CCDC92: variants seen among roughly 807,000 people sequenced by gnomAD.
CCDC92 encodes the protein coiled-coil domain-containing protein 92.
Under a neutral mutation model 24.9 loss-of-function variants are expected in CCDC92, and 12 were observed. The ratio of observed to expected loss-of-function variants is 0.48; its 90% confidence interval spans 0.31 to 0.78. The LOEUF (loss-of-function observed/expected upper bound fraction) is 0.78. Ranked by LOEUF, CCDC92 falls within the 30% of genes least tolerant of loss-of-function variation. The pLI, the probability that CCDC92 is intolerant of heterozygous loss-of-function variation, is 0.05. For synonymous variants in CCDC92, 193 were observed against 196.3 expected (o/e 0.98, Z 0.14); for missense variants, 399 against 439.4 (o/e 0.91, Z 0.82).
intron 1 of CCDC92, among the ~76,000 whole-genome samples, chr12:123,963,223 T>C (rs746186040): frequency 6.6e-5 from 10 of 152,200 alleles, no homozygotes; most frequent in Admixed American, 1.3e-4. Flanking sequence ...GTCAATCTAA[T>C]TTAAGGCAGG....
intron 1 of CCDC92, among the ~76,000 whole-genome samples, chr12:123,970,978 A>T (rs559104458): frequency 1.3e-5 from 2 of 152,142 alleles, no homozygotes; most frequent in South Asian, 4.1e-4. Flanking sequence ...TTTATCCAAC[A>T]TGGCAGATGA....
At chr12:123,965,229 C>T (rs894252109) in intron 1 of CCDC92, among the ~76,000 whole-genome samples, 5 of 152,124 alleles carry the variant, frequency 3.3e-5, no homozygotes, top group Non-Finnish European at 5.9e-5. Context: ...TGTGCTTGTA[C>T]GTGTGCATCG....
At chr12:123,958,593 G>C (rs1025506023) in intron 1 of CCDC92, among the ~76,000 whole-genome samples, 6 of 152,330 alleles carry the variant, frequency 3.9e-5, no homozygotes, top group African/African-American at 1.4e-4. Flanking sequence ...CTGTTCTGCT[G>C]TGTCCTGTGC....
chr12:123,961,003 A>G (rs1257802090), intron 1 of CCDC92: 1 of 152,262 alleles, frequency 6.6e-6, no homozygotes, highest in African/African-American at 2.4e-5. Flanking sequence ...ATATGTTTCT[A>G]AAGTGCTCAC....
chr12:123,936,984 C>T lies in CCDC92; in HGVS notation c.*74G>A. Reference sequence around the variant, plus strand: ...AGTGTTTGGCATGCATGGGATTAAACAGAAAAGGTGTGGCTGAGATTTCCC... The same window carrying T: ...AGTGTTTGGCATGCATGGGATTAAATAGAAAAGGTGTGGCTGAGATTTCCC... On this transcript the variant is annotated 3_prime_UTR_variant, in exon 5 of 5. Transcript: ENST00000238156. 1 of 1,549,292 alleles carries T rather than the reference C, an allele frequency of 6.5e-7. No individual in the cohort carries two copies. Among genetic ancestry groups the T allele is most frequent in the Non-Finnish European group, 8.8e-7 (1 of 1,133,964 alleles).
At chr12:123,942,370 G>A (rs545899374) in intron 4 of CCDC92, among the ~76,000 whole-genome samples, 2 of 152,214 alleles carry the variant, frequency 1.3e-5, no homozygotes, top group Non-Finnish European at 2.9e-5. Flanking sequence ...ACGGAGGAGC[G>A]GGGGCGGTTC....
chr12:123,940,764 A>G (rs531242747), intron 4 of CCDC92, among the ~76,000 whole-genome samples: 3 of 151,780 alleles, frequency 2.0e-5, no homozygotes, highest in South Asian at 2.1e-4. Flanking sequence ...AAACCTGCGC[A>G]CTCCCTGGGC....
chr12:123,961,938 T>C (rs1275906200), intron 1 of CCDC92, among the ~76,000 whole-genome samples: 1 of 152,180 alleles, frequency 6.6e-6, no homozygotes, highest in African/African-American at 2.4e-5. Context: ...AACTAGATAA[T>C]ATACTGTCCC....
Position 123,937,150 on chromosome 12 carries a change from G to A in CCDC92, c.904C>T (p.Gln302Ter), listed in dbSNP as rs1254118422. Residue 302 changes from glutamine (Q) to a stop codon, truncating the protein, a stop_gained, in exon 5 of 5, where the codon CAG (glutamine) becomes TAG (stop). Coordinates refer to ENST00000238156, the MANE Select transcript of CCDC92 (RefSeq NM_025140.3). LOFTEE classifies it high-confidence loss of function. This position sits in a 1 kb window ranked among gnomAD's most constrained non-coding sequence, Gnocchi z 8.4. ...AGGGTCTTCACCTCGGGCTGGGCCT[G>A]CGGCGGGGTGGCGTGGTGGATCCGA... ...AHRIHHATPP[Q>*]AQPEVKTLAV... 10 of 1,611,806 alleles carry A rather than the reference G, an allele frequency of 6.2e-6. No individual in the cohort carries two copies. Among genetic ancestry groups the A allele is most frequent in the Non-Finnish European group, 7.6e-6 (9 of 1,179,934 alleles).
At chr12:123,940,241 G>GCCC (rs1452543984) in intron 4 of CCDC92, among the ~76,000 whole-genome samples, 7 of 152,220 alleles carry the variant, frequency 4.6e-5, no homozygotes, top group African/African-American at 7.2e-5. Context: ...AGATGTCAAA[G>GCCC]AACCTGCCCA....
Position 123,937,472 on chromosome 12 carries a change from G to A in CCDC92, c.582C>T (p.Pro194=), listed in dbSNP as rs267603367. The change falls in exon 5 of 5, where the codon CCC becomes CCT. Residue 194 remains proline, a synonymous_variant. Transcript: ENST00000238156. The surrounding 1 kb of genome is among the most constrained non-coding windows in gnomAD (Gnocchi z 8.4). ...PVLASYKPAP[P]KDKLPETPRR... ...GAGGCGTTTCGGGTAGCTTGTCTTT[G>A]GGGGGCGCTGGCTTGTAGCTGGCCA... 6.2e-7 allele frequency: 1 copy of A among 1,613,074 alleles called. No individual in the cohort carries two copies. Among genetic ancestry groups the A allele is most frequent in the Non-Finnish European group, 8.5e-7 (1 of 1,179,996 alleles).
Position 123,936,947 on chromosome 12 carries a change from G to A in CCDC92, c.*111C>T. ...AGAGAAGCAGAAGGAGAATGGGTCG[G>A]TAGGTGTGAAAAGTGTTTGGCATGC... On this transcript the variant is annotated 3_prime_UTR_variant, in exon 5 of 5. Transcript: ENST00000238156. 2 of 1,199,196 alleles carry A rather than the reference G, an allele frequency of 1.7e-6. No individual in the cohort carries two copies. The highest frequency in any genetic ancestry group is 1.5e-5 in the African/African-American group (1 of 66,752). The allele number at this position is 1,199,196 out of a possible 1,614,324, so 74.3% of individuals were successfully genotyped here.
intron 4 of CCDC92, among the ~76,000 whole-genome samples, chr12:123,939,143 A>G (rs1955610385): frequency 6.6e-6 from 1 of 152,142 alleles, no homozygotes; most frequent in African/African-American, 2.4e-5. Context: ...TTCTGTCTCT[A>G]TTGTACCCTC....
At chr12:123,966,387 C>T (rs1320882435) in intron 1 of CCDC92, 2 of 152,186 alleles carry the variant, frequency 1.3e-5, no homozygotes, top group Non-Finnish European at 2.9e-5. Context: ...GCTTCAGAGG[C>T]TTCTGGTTAC....
At chr12:123,964,386 TAA>T (rs1956343356) in intron 1 of CCDC92, among the ~76,000 whole-genome samples, 2 of 150,996 alleles carry the variant, frequency 1.3e-5, no homozygotes, top group Admixed American at 6.6e-5. Context: ...TTTGGGGGTA[TAA>T]GAGAAGGTTA....
At chr12:123,967,074 C>G (rs979403025) in intron 1 of CCDC92, among the ~76,000 whole-genome samples, 5 of 152,100 alleles carry the variant, frequency 3.3e-5, no homozygotes, top group African/African-American at 1.2e-4. Context: ...ATAAACTTGT[C>G]AAAAACTGAC....
At chr12:123,966,736 A>G (rs141150625) in intron 1 of CCDC92, 1 of 152,408 alleles carries the variant, frequency 6.6e-6, no homozygotes, top group East Asian at 1.9e-4. Context: ...TGGTCACTGC[A>G]CAGGCAGGTC....
intron 1 of CCDC92, among the ~76,000 whole-genome samples, chr12:123,957,370 T>C (rs1303313854): frequency 6.6e-6 from 1 of 152,222 alleles, no homozygotes; most frequent in Non-Finnish European, 1.5e-5. Context: ...TGGCAGCCAC[T>C]GCCCTTGCTG....
intron 1 of CCDC92, among the ~76,000 whole-genome samples, chr12:123,953,395 ATAGGT>A (rs1956074582): frequency 6.6e-6 from 1 of 152,164 alleles, no homozygotes. Context: ...TATGTCTATG[ATAGGT>A]TAAGTTTGTA....
Sources: gnomAD v4.1 joint callset for allele counts (sites outside exome capture counted in the v4.1 genomes callset) on GRCh38, gnomAD v4.1.1 for gene constraint, Gnocchi (gnomAD v3.1) non-coding constraint, MANE v1.5 for transcripts, NCBI Gene and HGNC (gene_info 2026-07-23, HGNC 2026-07-21) for gene names.